PCCA: variants seen among roughly 807,000 people sequenced by gnomAD.
The protein encoded by PCCA is propionyl-CoA carboxylase alpha chain, mitochondrial.
A neutral mutation model predicts 101.3 loss-of-function variants in PCCA; 74 were observed. That is an observed-to-expected ratio of 0.73 (90% CI 0.61 to 0.89). PCCA has a LOEUF of 0.89. Ranked by LOEUF, PCCA falls within the 40% of genes least tolerant of loss-of-function variation. PCCA has a pLI of 0.00. For missense variants in PCCA, 891 were observed against 907.0 expected, an observed-to-expected ratio of 0.98 and a Z score of 0.23; for synonymous variants, 294 against 313.6, an observed-to-expected ratio of 0.94 and a Z score of 0.66.
At chr13:100,436,977 C>T (rs917719724) in intron 20 of PCCA, among the ~76,000 whole-genome samples, 2 of 152,210 alleles carry the variant, frequency 1.3e-5, no homozygotes, top group African/African-American at 4.8e-5. Context: ...CCCACAGAGG[C>T]GCTTTGCTCA....
chr13:100,328,146 C>T (rs575387232), intron 16 of PCCA, among the ~76,000 whole-genome samples: 113 of 152,100 alleles, frequency 7.4e-4, no homozygotes, highest in Admixed American at 1.2e-3. Flanking sequence ...GGGCAGATCA[C>T]GAGGTCAGGA....
intron 23 of PCCA, among the ~76,000 whole-genome samples, chr13:100,528,410 G>A (rs1008942941): frequency 6.6e-6 from 1 of 152,228 alleles, no homozygotes; most frequent in Admixed American, 6.5e-5. Context: ...GTGTCTGCAT[G>A]GGAGAGCATG....
At chr13:100,362,839 A>G (rs541795293) in intron 18 of PCCA, among the ~76,000 whole-genome samples, 3 of 152,296 alleles carry the variant, frequency 2.0e-5, no homozygotes, top group South Asian at 2.1e-4. Flanking sequence ...AGTCTCATGT[A>G]TTTGAACATA....
chr13:100,218,160 A>G (rs1422090433), intron 7 of PCCA, among the ~76,000 whole-genome samples: 1 of 151,364 alleles, frequency 6.6e-6, no homozygotes, highest in African/African-American at 2.4e-5. Flanking sequence ...AAATATTTGT[A>G]TGCAAGTATT....
chr13:100,501,771 G>A (rs1594033283), intron 21 of PCCA, among the ~76,000 whole-genome samples: 2 of 152,158 alleles, frequency 1.3e-5, no homozygotes, highest in South Asian at 4.1e-4. Context: ...CTACTTGGGA[G>A]GCTGAGGCAG....
intron 16 of PCCA, among the ~76,000 whole-genome samples, chr13:100,322,291 T>C (rs1279487751): frequency 1.3e-5 from 2 of 152,176 alleles, no homozygotes; most frequent in African/African-American, 2.4e-5. Flanking sequence ...TACATCACTT[T>C]AGCTTACCTT....
At chr13:100,235,185 G>C (rs529648278) in intron 7 of PCCA, among the ~76,000 whole-genome samples, 1 of 150,004 alleles carries the variant, frequency 6.7e-6, no homozygotes, top group East Asian at 2.0e-4. Context: ...TTTGCTTTTT[G>C]GAGTTTTTTC....
At chr13:100,401,606 T>G (rs552301903) in intron 19 of PCCA, among the ~76,000 whole-genome samples, 1 of 152,172 alleles carries the variant, frequency 6.6e-6, no homozygotes, top group Non-Finnish European at 1.5e-5. Flanking sequence ...CATGAGTGAA[T>G]GTAGCTTGCT....
At chr13:100,222,593 G>A (rs1310087046) in intron 7 of PCCA, among the ~76,000 whole-genome samples, 1 of 152,154 alleles carries the variant, frequency 6.6e-6, no homozygotes, top group Non-Finnish European at 1.5e-5. Context: ...GTTTGCTGAT[G>A]GAAATAAATA....
At chr13:100,515,617 C>T in intron 22 of PCCA, 50 bp downstream of exon 22, 1 of 1,604,142 alleles carries the variant, frequency 6.2e-7, no homozygotes, top group Non-Finnish European at 8.5e-7. Flanking sequence ...TCCAACTTCC[C>T]CTTCCAAAGC....
intron 20 of PCCA, among the ~76,000 whole-genome samples, chr13:100,437,897 C>T (rs188450641): frequency 4.6e-5 from 7 of 152,078 alleles, no homozygotes; most frequent in Admixed American, 2.0e-4. Flanking sequence ...CTTGAACTCC[C>T]GACTTCAAGT....
chr13:100,485,603 C>T (rs2084312329), intron 21 of PCCA, among the ~76,000 whole-genome samples: 2 of 152,180 alleles, frequency 1.3e-5, no homozygotes, highest in African/African-American at 4.8e-5. Flanking sequence ...GCAAGAGATT[C>T]ATCCAAGTTT....
chr13:100,302,842 G>T, intron 13 of PCCA, 82 bp from the exon 14 acceptor site: 3 of 825,706 alleles, frequency 3.6e-6, no homozygotes, highest in Non-Finnish European at 6.5e-6. Context: ...CCTATAAATG[G>T]TTCTTCATTG....
intron 9 of PCCA, among the ~76,000 whole-genome samples, chr13:100,257,946 A>C (rs577583372): frequency 2.0e-5 from 3 of 152,298 alleles, no homozygotes; most frequent in Non-Finnish European, 4.4e-5. Flanking sequence ...TAAAAATTAC[A>C]GTCAGGATTC....
intron 21 of PCCA, among the ~76,000 whole-genome samples, chr13:100,456,426 A>C (rs2081716849): frequency 6.6e-6 from 1 of 152,128 alleles, no homozygotes; most frequent in African/African-American, 2.4e-5. Flanking sequence ...GAGACGAGAG[A>C]TTGTAATAAA....
intron 21 of PCCA, among the ~76,000 whole-genome samples, chr13:100,511,415 C>G (rs2086470037): frequency 6.6e-6 from 1 of 152,082 alleles, no homozygotes; most frequent in Non-Finnish European, 1.5e-5. Flanking sequence ...AAAACCTTGA[C>G]TAGGAAGAGA....
intron 18 of PCCA, among the ~76,000 whole-genome samples, chr13:100,342,879 G>A (rs757850820): frequency 6.6e-6 from 1 of 151,388 alleles, no homozygotes; most frequent in South Asian, 2.1e-4. Context: ...ATACCACCAC[G>A]CCTGGCTAAT....
intron 21 of PCCA, among the ~76,000 whole-genome samples, chr13:100,488,732 G>T (rs529288782): frequency 2.6e-5 from 4 of 151,312 alleles, no homozygotes; most frequent in South Asian, 4.2e-4. Context: ...CTTGAGCCCA[G>T]GAGTTTGAGC....
intron 19 of PCCA, among the ~76,000 whole-genome samples, chr13:100,371,444 A>G (rs551676815): frequency 6.6e-6 from 1 of 152,342 alleles, no homozygotes; most frequent in South Asian, 2.1e-4. Flanking sequence ...ATCTTGTGTC[A>G]GGGACTAGAA....
Sources: allele counts gnomAD v4.1 joint callset (sites outside exome capture counted in the v4.1 genomes callset), GRCh38; gene constraint gnomAD v4.1.1; transcripts MANE v1.5; gene names NCBI Gene and HGNC (gene_info 2026-07-23, HGNC 2026-07-21).